CCDC80: variants seen among roughly 807,000 people sequenced by gnomAD.
The protein encoded by CCDC80 is coiled-coil domain-containing protein 80.
In CCDC80, 49 loss-of-function variants were observed where a neutral mutation model predicts 78.7. That is an observed-to-expected ratio of 0.62 (90% CI 0.50 to 0.79). The LOEUF (loss-of-function observed/expected upper bound fraction) is 0.79, where lower values mean the gene tolerates loss of function less well. CCDC80 is among the 30% of genes least tolerant of loss of function. The pLI is 0.00. For synonymous variants in CCDC80, 488 were observed against 447.0 expected, an observed-to-expected ratio of 1.09 and a Z score of -1.16; for missense variants, 1,205 against 1,198.6, an observed-to-expected ratio of 1.01 and a Z score of -0.08.
Position 112,610,915 on chromosome 3 carries a change from CTT to C in CCDC80, c.2322-836_2322-835del, listed in dbSNP as rs11379147. 1.1e-4 allele frequency among the ~76,000 whole-genome samples: 13 copies of C among 123,274 alleles called. 1 individual carries two copies. Among genetic ancestry groups the C allele is most frequent in the South Asian group, 5.2e-4 (2 of 3,816 alleles). The allele number at this position is 123,274 out of a possible 152,430, so 80.9% of individuals were successfully genotyped here. On this transcript the variant is annotated intron_variant, in intron 5 of 7. Coordinates refer to ENST00000206423, the MANE Select transcript of CCDC80 (RefSeq NM_199511.3). ...CTTATTTCTTTTCTTTTCTTTCTTT[CTT>C]TTTTTTTTTTTTTTTGAGACAGAGT...
Position 112,600,318 on chromosome 3 carries a change from A to T in CCDC80, c.*5099T>A, listed in dbSNP as rs1027608727. Reference sequence around the variant, plus strand: ...GCTCATTAGAGGAAGAAAAGCTCAGATGCATTGCTAACTATTATTTCAATG... The same window carrying T: ...GCTCATTAGAGGAAGAAAAGCTCAGTTGCATTGCTAACTATTATTTCAATG... On this transcript the variant is annotated 3_prime_UTR_variant, in exon 8 of 8. Coordinates refer to ENST00000206423, the MANE Select transcript of CCDC80 (RefSeq NM_199511.3). 3.9e-5 allele frequency: 6 copies of T among 152,232 alleles called. No homozygotes were observed. The highest frequency in any genetic ancestry group is 1.5e-5 in the Non-Finnish European group (1 of 68,036). 9.4% of individuals were successfully genotyped at this position (152,232 alleles called of 1,614,324 possible).
Position 112,616,796 on chromosome 3 carries a change from G to T in CCDC80, c.2235C>A (p.Ser745=). Residue 745 remains serine (S), a synonymous_variant, in exon 5 of 8, where the codon TCC becomes TCA. Transcript: ENST00000206423. ...TCTGCTTCTCCATATCTTTGATTCG[G>T]GACTGGAAAGTATCGATCAGATCAA... The part of the protein sequence containing the change: ...SVFDLIDTFQ[S]RIKDMEKQKK... 6.2e-7 allele frequency: 1 copy of T among 1,613,998 alleles called. No individual in the cohort carries two copies. Among genetic ancestry groups the T allele is most frequent in the Non-Finnish European group, 8.5e-7 (1 of 1,179,962 alleles).
chr3:112,632,730 G>C (rs1237319053), intron 2 of CCDC80, among the ~76,000 whole-genome samples: 1 of 152,120 alleles, frequency 6.6e-6, no homozygotes, highest in Non-Finnish European at 1.5e-5. Flanking sequence ...ATAAATAAGT[G>C]CCTCTGATGT....
intron 6 of CCDC80, among the ~76,000 whole-genome samples, chr3:112,608,942 T>C (rs1576779683): frequency 6.6e-6 from 1 of 152,288 alleles, no homozygotes; most frequent in East Asian, 1.9e-4. Flanking sequence ...TTTACAAAAC[T>C]TACCCTCCTC....
rs1935384771 is a variant in CCDC80, at chr3:112,602,088, AT to A, written c.*3328del. 6.6e-6 allele frequency: 1 copy of A among 152,168 alleles called. No individual in the cohort carries two copies. Among genetic ancestry groups the A allele is most frequent in the Admixed American group, 6.5e-5 (1 of 15,278 alleles). The allele number at this position is 152,168 out of a possible 1,614,324, so 9.4% of individuals were successfully genotyped here. A position where few individuals can be genotyped will look rare whatever the true frequency, so the allele number is the denominator to read the frequency against. ...TACTCACTTTATGTCTCTGTGTCAC[AT>A]TTTGGTAATTCTTGCCATATTTCAC... On this transcript the variant is annotated 3_prime_UTR_variant, in exon 8 of 8. Transcript: ENST00000206423.
Position 112,638,686 on chromosome 3 carries a change from C to G in CCDC80, c.1220G>C (p.Arg407Thr), listed in dbSNP as rs747003660. Reference protein sequence around the residue: ...PTTTEVITARRPSVSENLYPP... With the variant: ...PTTTEVITARTPSVSENLYPP... ...GTAAAGATTCTCTGAAACTGAGGGTCTCCTGGCAGTGATCACCTCAGTGGT... is the reference window on the plus strand; with the variant it reads ...GTAAAGATTCTCTGAAACTGAGGGTGTCCTGGCAGTGATCACCTCAGTGGT... The change falls in exon 2 of 8, where the codon AGA (arginine) becomes ACA (threonine). Residue 407 changes from arginine to threonine, a missense_variant. Coordinates refer to ENST00000206423, the MANE Select transcript of CCDC80 (RefSeq NM_199511.3). 1.2e-6 allele frequency: 2 copies of G among 1,613,922 alleles called. No homozygotes were observed.
rs1346847918 is a variant in CCDC80 at position 112,638,210 on chromosome 3, C to A, written c.1696G>T (p.Glu566Ter). 6.2e-7 allele frequency: 1 copy of A among 1,612,750 alleles called. No homozygotes were observed. Residue 566 changes from glutamate to a stop codon, truncating the protein, a stop_gained, in exon 2 of 8, where the codon GAA becomes TAA. Coordinates refer to ENST00000206423, the MANE Select transcript of CCDC80 (RefSeq NM_199511.3). LOFTEE classifies it high-confidence loss of function. ...NENADKLLKS[E>*]KQMKKSEKKS... ...TTCTCAGACTTCTTCATTTGCTTTTCACTCTTAAGTAACTTGTCTGCGTTC... is the reference window on the plus strand; with the variant it reads ...TTCTCAGACTTCTTCATTTGCTTTTAACTCTTAAGTAACTTGTCTGCGTTC...
At chr3:112,607,068 A>C in intron 7 of CCDC80, 108 bp downstream of exon 7, 2 of 749,272 alleles carry the variant, frequency 2.7e-6, no homozygotes, top group East Asian at 5.5e-5. Flanking sequence ...AGGAGGATTC[A>C]ATGAACTTTG....
chr3:112,634,059 A>G (rs536922696), intron 2 of CCDC80, among the ~76,000 whole-genome samples: 14 of 152,334 alleles, frequency 9.2e-5, no homozygotes, highest in African/African-American at 3.4e-4. Context: ...AAGAGAGCAA[A>G]GAGCAATGGA....
chr3:112,613,655 T>A (rs1436858427), intron 5 of CCDC80, among the ~76,000 whole-genome samples: 2 of 152,162 alleles, frequency 1.3e-5, no homozygotes, highest in Non-Finnish European at 2.9e-5. Context: ...GTGAGAAGAA[T>A]CTCTGAGGAT....
intron 7 of CCDC80, 121 bp from the exon 8 acceptor site, chr3:112,605,884 TC>T (rs1272019590): frequency 2.5e-6 from 2 of 792,450 alleles, no homozygotes; most frequent in East Asian, 5.4e-5. Context: ...TCTCTTTAGT[TC>T]AAAATCTAAT....
intron 5 of CCDC80, among the ~76,000 whole-genome samples, chr3:112,615,631 G>T (rs189982316): frequency 4.6e-5 from 7 of 152,204 alleles, no homozygotes; most frequent in Admixed American, 4.6e-4. Flanking sequence ...AGACGATTAA[G>T]GCATTCTAAG....
chr3:112,639,448 A>AC lies in CCDC80; in HGVS notation c.457dup (p.Val153GlyfsTer26). 1 of 1,614,054 alleles carries AC rather than the reference A, an allele frequency of 6.2e-7. No homozygotes were observed. The highest frequency in any genetic ancestry group is 8.5e-7 in the Non-Finnish European group (1 of 1,180,000). On this transcript the variant is annotated frameshift_variant, in exon 2 of 8. Coordinates refer to ENST00000206423, the MANE Select transcript of CCDC80 (RefSeq NM_199511.3). LOFTEE classifies it high-confidence loss of function. ...TTCCGAGGCATGAGGGGCTGAGATG[A>AC]CCCATACTCTGTTCTTCCCTGCAAA... is the stretch of plus-strand genomic sequence containing the variant.
chr3:112,639,602 C>A lies in CCDC80; in HGVS notation c.304G>T (p.Val102Leu). 1 of 1,614,146 alleles carries A rather than the reference C, an allele frequency of 6.2e-7. No homozygotes were observed. The highest frequency in any genetic ancestry group is 8.5e-7 in the Non-Finnish European group (1 of 1,180,036). ...GCTGCTGGTCTTTGCTCAGGTCTCA[C>A]GGCGGCCCCATTGATGTCCGAGCGG... ...PARSDINGAA[V>L]RPEQRPAARG... The change falls in exon 2 of 8, where the codon GTG (valine) becomes TTG (leucine). Residue 102 changes from valine to leucine, a missense_variant. Transcript: ENST00000206423.
chr3:112,635,101 A>C (rs1164173667), intron 2 of CCDC80, among the ~76,000 whole-genome samples: 2 of 152,208 alleles, frequency 1.3e-5, no homozygotes, highest in African/African-American at 4.8e-5. Context: ...GCTCCTGTGA[A>C]GGCCTATAGG....
In CCDC80 at chr3:112,601,387, C is replaced by G. The variant is rs902410673; in HGVS notation, c.*4030G>C. 1 of 152,060 alleles carries G rather than the reference C, an allele frequency of 6.6e-6. No homozygotes were observed. The highest frequency in any genetic ancestry group is 2.4e-5 in the African/African-American group (1 of 41,354). 9.4% of individuals were successfully genotyped at this position (152,060 alleles called of 1,614,324 possible). A position where few individuals can be genotyped will look rare whatever the true frequency, so the allele number is the denominator to read the frequency against. ...GATTTGGAGAATTAATGATTAATAA[C>G]AGTGGAAAATAGCCTTCCCATTATT... On this transcript the variant is annotated 3_prime_UTR_variant, in exon 8 of 8. Coordinates refer to ENST00000206423, the MANE Select transcript of CCDC80 (RefSeq NM_199511.3).
At chr3:112,633,695 C>T (rs1413986695) in intron 2 of CCDC80, among the ~76,000 whole-genome samples, 2 of 152,202 alleles carry the variant, frequency 1.3e-5, no homozygotes, top group Non-Finnish European at 2.9e-5. Flanking sequence ...ATTTAATCTG[C>T]TCCTCAAGTT....
In CCDC80 at chr3:112,639,110, T is replaced by C. The variant is rs1378115189; in HGVS notation, c.796A>G (p.Ile266Val). 1.2e-6 allele frequency: 2 copies of C among 1,614,016 alleles called. No homozygotes were observed. Among genetic ancestry groups the C allele is most frequent in the African/African-American group, 2.7e-5 (2 of 74,912 alleles). Residue 266 changes from isoleucine (I) to valine (V), a missense_variant, in exon 2 of 8, where the codon ATC (isoleucine) becomes GTC (valine). Transcript: ENST00000206423. Reference protein sequence around the residue: ...AMYEVIDQGPIRRIEKIRQKG... With the variant: ...AMYEVIDQGPVRRIEKIRQKG... ...TGCCTGATCTTCTCGATCCTACGGATGGGGCCTTGGTCGATGACCTCGTAC... is the reference window on the plus strand; with the variant it reads ...TGCCTGATCTTCTCGATCCTACGGACGGGGCCTTGGTCGATGACCTCGTAC...
In CCDC80 at chr3:112,602,956, G is replaced by A. The variant is rs1286361778; in HGVS notation, c.*2461C>T. On this transcript the variant is annotated 3_prime_UTR_variant, in exon 8 of 8. Transcript: ENST00000206423. ...ATCTCAGACTTACGTATCTAGAGAG[G>A]AGTAGTCAATGCCTCACTTCAAAGC... 1 of 152,890 alleles carries A rather than the reference G, an allele frequency of 6.5e-6. No individual in the cohort carries two copies. Among genetic ancestry groups the A allele is most frequent in the Non-Finnish European group, 1.5e-5 (1 of 68,578 alleles). The allele number at this position is 152,890 out of a possible 1,614,324, so 9.5% of individuals were successfully genotyped here.
Sources: gnomAD v4.1 joint callset for allele counts (sites outside exome capture counted in the v4.1 genomes callset) on GRCh38, gnomAD v4.1.1 for gene constraint, MANE v1.5 for transcripts, NCBI Gene and HGNC (gene_info 2026-07-23, HGNC 2026-07-21) for gene names.